TRAK1: variants seen among roughly 807,000 people sequenced by gnomAD.
The protein encoded by TRAK1 is trafficking kinesin protein 1.
Under a neutral mutation model 92.1 loss-of-function variants are expected in TRAK1, and 33 were observed. The observed-to-expected ratio is 0.36, with a 90% confidence interval of 0.27 to 0.48. The LOEUF (loss-of-function observed/expected upper bound fraction) is 0.48, where lower values mean the gene tolerates loss of function less well. TRAK1 is among the 20% of genes least tolerant of loss of function. TRAK1 has a pLI of 0.99. For missense variants in TRAK1, 1,123 were observed against 1,257.9 expected, an observed-to-expected ratio of 0.89 and a Z score of 1.62; for synonymous variants, 521 against 517.3, an observed-to-expected ratio of 1.01 and a Z score of -0.10.
rs1294942558 is a variant in TRAK1, at chr3:42,149,335, T to A, written c.286+23721T>A. 3 of 1,433,698 alleles carry A rather than the reference T, an allele frequency of 2.1e-6. No individual in the cohort carries two copies. In the African/African-American group the frequency reaches 4.3e-5, roughly 21 times the overall value. 88.8% of individuals were successfully genotyped at this position (1,433,698 alleles called of 1,614,324 possible). ...CCTTTCTGCTCCTCCTACTCCCTCC[T>A]TCCCCCATAGAATTTTTCTTTTCAT... is the stretch of plus-strand genomic sequence containing the variant. On this transcript the variant is annotated intron_variant, in intron 2 of 15. Transcript: ENST00000327628.
intron 1 of TRAK1, among the ~76,000 whole-genome samples, chr3:42,113,370 CTACCCCTACCCCTACCCCTACCCCTACCT>C (rs1352530187): frequency 0.077 from 6,777 of 87,464 alleles, 487 homozygotes; most frequent in African/African-American, 0.23. Flanking sequence ...ACGCCTACGC[CTACCCCTACCCCTACCCCTACCCCTACCT>C]CTACCCCTAC....
rs368581162 is a variant in TRAK1 at position 42,223,311 on chromosome 3, C to T, written c.2436C>T (p.Ser812=). The change falls in exon 16 of 16, where the codon TCC becomes TCT. Residue 812 remains serine, a synonymous_variant. Coordinates refer to ENST00000327628, the MANE Select transcript of TRAK1 (RefSeq NM_001042646.3). This position sits in a 1 kb window ranked among gnomAD's most constrained non-coding sequence, Gnocchi z 6.1. The part of the protein sequence containing the change: ...TSPPYDNFLA[S]KPASSILREV... Reference sequence around the variant, plus strand: ...CTCCCTACGACAATTTCCTGGCTTCCAAGCCAGCCAGCTCCATCCTGAGGG... The same window carrying T: ...CTCCCTACGACAATTTCCTGGCTTCTAAGCCAGCCAGCTCCATCCTGAGGG... The T allele has an allele frequency of 1.4e-5, 22 of 1,614,188 alleles. No individual in the cohort carries two copies. The highest frequency in any genetic ancestry group is 1.3e-4 in the African/African-American group (10 of 75,056).
chr3:42,072,011 T>C (rs1703952720), intron 1 of TRAK1, among the ~76,000 whole-genome samples: 1 of 152,206 alleles, frequency 6.6e-6, no homozygotes, highest in African/African-American at 2.4e-5. Flanking sequence ...GGTTCTGATT[T>C]TCTGATTGGA....
chr3:42,021,999 TGGAACAGGTATTCTGTGCCACACCTCAA>T (rs893971374), intron 1 of TRAK1, among the ~76,000 whole-genome samples: 2 of 152,248 alleles, frequency 1.3e-5, no homozygotes, highest in African/African-American at 4.8e-5. Flanking sequence ...AAAAATAGTT[TGGAACAGGTATTCTGTGCCACACCTCAA>T]GGGTGGGGTG....
chr3:42,201,830 T>G (rs1302325297), intron 12 of TRAK1, among the ~76,000 whole-genome samples: 1 of 146,410 alleles, frequency 6.8e-6, no homozygotes, highest in African/African-American at 2.6e-5. Flanking sequence ...CAGTTCCTCT[T>G]TGTCCTGAAG....
intron 1 of TRAK1, among the ~76,000 whole-genome samples, chr3:42,111,885 T>G (rs1312281615): frequency 6.6e-6 from 1 of 151,720 alleles, no homozygotes; most frequent in African/African-American, 2.4e-5. Flanking sequence ...TGCCAACACT[T>G]GTTTTGAAAG....
At chr3:42,181,349 G>C (rs1041628792) in intron 3 of TRAK1, among the ~76,000 whole-genome samples, 1 of 152,172 alleles carries the variant, frequency 6.6e-6, no homozygotes, top group Non-Finnish European at 1.5e-5. Context: ...TCCGATACTA[G>C]CCTGGCCTAC....
chr3:42,063,440 C>G (rs1366426066), intron 1 of TRAK1, among the ~76,000 whole-genome samples: 1 of 152,206 alleles, frequency 6.6e-6, no homozygotes, highest in Non-Finnish European at 1.5e-5. Context: ...AATCCCAGCA[C>G]TTTGGGAGGC....
intron 2 of TRAK1, among the ~76,000 whole-genome samples, chr3:42,135,643 G>T (rs1012930748): frequency 6.6e-6 from 1 of 152,212 alleles, no homozygotes; most frequent in African/African-American, 2.4e-5. Flanking sequence ...CTTTCGGCCT[G>T]TGTTTGTGTG....
chr3:42,045,964 G>A (rs144648881), intron 1 of TRAK1, among the ~76,000 whole-genome samples: 16 of 152,308 alleles, frequency 1.1e-4, no homozygotes, highest in African/African-American at 3.6e-4. Flanking sequence ...TTGCCTATTA[G>A]CATATACAGA....
intron 2 of TRAK1, among the ~76,000 whole-genome samples, chr3:42,175,068 C>CT: frequency 6.6e-6 from 1 of 152,096 alleles, no homozygotes. Flanking sequence ...GCCCAGTTTT[C>CT]TTTTTTTCCA....
At chr3:42,136,624 A>G (rs376113177) in intron 2 of TRAK1, among the ~76,000 whole-genome samples, 4 of 116,580 alleles carry the variant, frequency 3.4e-5, no homozygotes, top group East Asian at 4.6e-4. Context: ...CACTGTTTCA[A>G]TACAAAAGAA....
intron 2 of TRAK1, among the ~76,000 whole-genome samples, chr3:42,147,793 A>G (rs1699499715): frequency 6.6e-6 from 1 of 152,238 alleles, no homozygotes; most frequent in Non-Finnish European, 1.5e-5. Context: ...TAAGGGCCAG[A>G]CATGGCTGTA....
chr3:42,180,119 CAAAG>C (rs1703792388), intron 3 of TRAK1, among the ~76,000 whole-genome samples: 1 of 151,884 alleles, frequency 6.6e-6, no homozygotes, highest in Non-Finnish European at 1.5e-5. Flanking sequence ...TTATAATTCT[CAAAG>C]AAAAACCCAA....
At chr3:42,105,353 C>T (rs565550500) in intron 1 of TRAK1, among the ~76,000 whole-genome samples, 7 of 152,180 alleles carry the variant, frequency 4.6e-5, no homozygotes, top group African/African-American at 1.4e-4. Flanking sequence ...AACCATGGCA[C>T]GAGAACTATG....
intron 2 of TRAK1, among the ~76,000 whole-genome samples, chr3:42,165,949 G>C (rs1701809176): frequency 6.6e-6 from 1 of 151,932 alleles, no homozygotes; most frequent in Non-Finnish European, 1.5e-5. Context: ...CTGTATTTTG[G>C]GGTCCTTTTG....
At chr3:42,218,962 G>T in intron 14 of TRAK1, 1 of 985,374 alleles carries the variant, frequency 1.0e-6, no homozygotes, top group Non-Finnish European at 1.2e-6. Flanking sequence ...CAAATAGACA[G>T]TAGTGGAGCC....
chr3:42,038,456 G>A (rs1702405800), intron 1 of TRAK1, among the ~76,000 whole-genome samples: 2 of 152,252 alleles, frequency 1.3e-5, no homozygotes, highest in South Asian at 2.1e-4. Context: ...GGGACCACAG[G>A]TGTGTGCCAC....
chr3:42,209,493 C>A (rs968043092), intron 13 of TRAK1, among the ~76,000 whole-genome samples: 2 of 152,056 alleles, frequency 1.3e-5, no homozygotes, highest in Non-Finnish European at 2.9e-5. Flanking sequence ...ACCTCTTTTG[C>A]ACATACTATG....
Sources: gnomAD v4.1 joint callset for allele counts (sites outside exome capture counted in the v4.1 genomes callset) on GRCh38, gnomAD v4.1.1 for gene constraint, Gnocchi (gnomAD v3.1) non-coding constraint, MANE v1.5 for transcripts, NCBI Gene and HGNC (gene_info 2026-07-23, HGNC 2026-07-21) for gene names.